Variants in FGFR2 observed in about 807,000 individuals in gnomAD.
FGFR2 encodes the protein BEK fibroblast growth factor receptor.
A neutral mutation model predicts 95.9 loss-of-function variants in FGFR2; 19 were observed. That is an observed-to-expected ratio of 0.20 (90% confidence interval 0.14 to 0.29). The LOEUF is 0.29. Among genes scored for constraint, FGFR2 ranks in the 10% least tolerant of loss-of-function variants. The pLI, the probability that FGFR2 is intolerant of heterozygous loss-of-function variation, is 1.00. For missense variants in FGFR2, 707 were observed against 1,056.9 expected, an observed-to-expected ratio of 0.67 and a Z score of 4.59; for synonymous variants, 392 against 393.3, an observed-to-expected ratio of 1.00 and a Z score of 0.04.
intron 17 of FGFR2, chr10:121,480,587 G>T (rs890603313): frequency 4.5e-6 from 1 of 221,636 alleles, no homozygotes; most frequent in Non-Finnish European, 9.2e-6. Context: ...TCTTCATTCA[G>T]TGGGTAATTT....
At chr10:121,537,076 CT>C (rs1188539298) in intron 6 of FGFR2, among the ~76,000 whole-genome samples, 1 of 152,172 alleles carries the variant, frequency 6.6e-6, no homozygotes, top group Non-Finnish European at 1.5e-5. Flanking sequence ...TGTTACTTCT[CT>C]TTTTGTTTGT....
chr10:121,558,602 A>T (rs1856508020), intron 4 of FGFR2, among the ~76,000 whole-genome samples: 1 of 147,880 alleles, frequency 6.8e-6, no homozygotes, highest in African/African-American at 2.6e-5. Context: ...TAATAGATAC[A>T]GTTTTTTGTT....
At chr10:121,495,697 A>G (rs1390145364) in intron 13 of FGFR2, among the ~76,000 whole-genome samples, 3 of 152,146 alleles carry the variant, frequency 2.0e-5, no homozygotes, top group Non-Finnish European at 2.9e-5. Flanking sequence ...CCAGACCCCC[A>G]GTGACAGAGG....
intron 4 of FGFR2, among the ~76,000 whole-genome samples, chr10:121,561,935 A>C (rs538013003): frequency 6.6e-6 from 1 of 152,376 alleles, no homozygotes; most frequent in Non-Finnish European, 1.5e-5. Context: ...TAATCATATG[A>C]AAAGATGCTT....
intron 2 of FGFR2, among the ~76,000 whole-genome samples, chr10:121,586,574 G>C (rs1306109318): frequency 6.6e-6 from 1 of 152,202 alleles, no homozygotes; most frequent in Non-Finnish European, 1.5e-5. Context: ...TTCCAAAGTG[G>C]AGTAAATTAC....
intron 2 of FGFR2, among the ~76,000 whole-genome samples, chr10:121,570,362 A>G (rs1490253498): frequency 6.6e-6 from 1 of 152,220 alleles, no homozygotes; most frequent in Non-Finnish European, 1.5e-5. Context: ...GAGCCAGGAC[A>G]ATCAGAGAAT....
intron 4 of FGFR2, among the ~76,000 whole-genome samples, chr10:121,559,801 G>A (rs1856691722): frequency 6.6e-6 from 1 of 152,170 alleles, no homozygotes; most frequent in South Asian, 2.1e-4. Context: ...ATGGGCGCTG[G>A]GCAGTTAGGA....
chr10:121,501,028 A>C, intron 10 of FGFR2, 81 bp from the exon 11 acceptor site: 1 of 1,593,516 alleles, frequency 6.3e-7, no homozygotes, highest in African/African-American at 1.3e-5. Context: ...AAATATAAAA[A>C]TCTTTCAGCG....
chr10:121,595,786 G>A (rs1251748577), intron 1 of FGFR2, among the ~76,000 whole-genome samples: 1 of 152,186 alleles, frequency 6.6e-6, no homozygotes, highest in Non-Finnish European at 1.5e-5. Context: ...CTGCCCAGAG[G>A]AGCCTCCTTG....
In FGFR2 at chr10:121,496,621, G is replaced by A. The variant is rs141929882; in HGVS notation, c.1774C>T (p.Arg592Cys). The A allele has an allele frequency of 1.8e-4, 287 of 1,613,198 alleles. No individual in the cohort carries two copies. The highest frequency in any genetic ancestry group is 2.7e-4 in the Admixed American group (16 of 59,914). Residue 592 changes from arginine (R) to cysteine (C), a missense_variant, in exon 13 of 18, where the codon CGT becomes TGT. Physicochemically the swap from Arg to Cys is radical, Grantham distance 180 (BLOSUM62 -3). Coordinates refer to ENST00000358487, the MANE Select transcript of FGFR2 (RefSeq NM_000141.5). ...PGMEYSYDIN[R>C]VPEEQMTFKD... ...AAGGTCATCTGCTCCTCAGGAACAC[G>A]GTTAATGTCATAGGAGTACTCCATC...
At chr10:121,510,697 T>G (rs1292205077) in intron 9 of FGFR2, among the ~76,000 whole-genome samples, 1 of 152,132 alleles carries the variant, frequency 6.6e-6, no homozygotes, top group Non-Finnish European at 1.5e-5. Flanking sequence ...CCCCTTCATC[T>G]TGGTCCTATT....
chr10:121,500,493 C>T lies in FGFR2; in HGVS notation c.1561+333G>A, dbSNP rs3135785. 0.017 allele frequency among the ~76,000 whole-genome samples: 2,648 copies of T among 152,260 alleles called. 76 individuals carry two copies. Among genetic ancestry groups the T allele is most frequent in the African/African-American group, 0.059 (2,463 of 41,526 alleles). On this transcript the variant is annotated intron_variant, in intron 11 of 17. Coordinates refer to ENST00000358487, the MANE Select transcript of FGFR2 (RefSeq NM_000141.5). ...CCAAATCTAACACACCAACTCCTAG[C>T]TAATAAATTCAATTATATGTGAGTT...
At chr10:121,504,214 G>C (rs1164957748) in intron 9 of FGFR2, among the ~76,000 whole-genome samples, 1 of 151,918 alleles carries the variant, frequency 6.6e-6, no homozygotes, top group African/African-American at 2.4e-5. Flanking sequence ...TTTTCTTTCT[G>C]TCCTAATTCC....
intron 10 of FGFR2, among the ~76,000 whole-genome samples, chr10:121,501,541 A>G (rs1182449229): frequency 2.6e-5 from 4 of 152,244 alleles, no homozygotes; most frequent in Non-Finnish European, 5.9e-5. Flanking sequence ...AAGAAAATCC[A>G]AAGTGAACAC....
At chr10:121,483,608 C>G in intron 17 of FGFR2, 90 bp downstream of exon 17, 1 of 922,090 alleles carries the variant, frequency 1.1e-6, no homozygotes, top group African/African-American at 1.6e-5. Context: ...AGACTCCAAC[C>G]AACAGCCAAC....
chr10:121,509,545 A>G (rs1433155473), intron 9 of FGFR2, among the ~76,000 whole-genome samples: 1 of 116,234 alleles, frequency 8.6e-6, no homozygotes, highest in Non-Finnish European at 1.6e-5. Context: ...TTATCCAGGC[A>G]CGATCTTGGC....
At chr10:121,536,426 G>T (rs1273228565) in intron 6 of FGFR2, among the ~76,000 whole-genome samples, 1 of 152,126 alleles carries the variant, frequency 6.6e-6, no homozygotes, top group Non-Finnish European at 1.5e-5. Flanking sequence ...CCCGTGTTTA[G>T]CTGGGCGATC....
chr10:121,569,588 A>AGAT (rs1380322310), intron 2 of FGFR2, among the ~76,000 whole-genome samples: 2 of 152,266 alleles, frequency 1.3e-5, no homozygotes, highest in Non-Finnish European at 2.9e-5. Flanking sequence ...TGGACAGTTA[A>AGAT]GATGACTTGA....
chr10:121,530,603 C>T (rs1005494269), intron 6 of FGFR2: 1 of 152,196 alleles, frequency 6.6e-6, no homozygotes, highest in African/African-American at 2.4e-5. Context: ...GCCTGTGCAA[C>T]AGAACAAGAC....
Sources: allele counts gnomAD v4.1 joint callset (sites outside exome capture counted in the v4.1 genomes callset), GRCh38; gene constraint gnomAD v4.1.1; transcripts MANE v1.5; gene names NCBI Gene and HGNC (gene_info 2026-07-23, HGNC 2026-07-21).